GPRC5B: variants seen among roughly 807,000 people sequenced by gnomAD.
GPRC5B encodes G protein-coupled receptor family C group 5 member B.
In GPRC5B, 16 loss-of-function variants were observed where a neutral mutation model predicts 30.1. The ratio of observed to expected loss-of-function variants is 0.53; its 90% confidence interval spans 0.36 to 0.81. The LOEUF is 0.81. Among genes scored for constraint, GPRC5B ranks in the 30% least tolerant of loss-of-function variants. The pLI, the probability that GPRC5B is intolerant of heterozygous loss-of-function variation, is 0.01. For missense variants in GPRC5B, 428 were observed against 544.7 expected, an observed-to-expected ratio of 0.79 and a Z score of 2.13; for synonymous variants, 241 against 239.5, an observed-to-expected ratio of 1.01 and a Z score of -0.06.
At chr16:19,878,541 G>A (rs1433608911) in intron 1 of GPRC5B, among the ~76,000 whole-genome samples, 4 of 152,034 alleles carry the variant, frequency 2.6e-5, no homozygotes, top group African/African-American at 7.2e-5. Flanking sequence ...TGATCTGCCC[G>A]CCTCAGCCTC....
chr16:19,870,461 C>T (rs2056707104), intron 2 of GPRC5B, among the ~76,000 whole-genome samples: 1 of 152,228 alleles, frequency 6.6e-6, no homozygotes, highest in South Asian at 2.1e-4. Flanking sequence ...GAGGTACAGT[C>T]TCTTACTATT....
chr16:19,858,563 A>C lies in GPRC5B; in HGVS notation c.*1937T>G. ...ACCATTTCCTGGCACGAGAATGTGT[A>C]ATGCTGTCGTTTTTTCACCGGACAG... is the stretch of plus-strand genomic sequence containing the variant. On this transcript the variant is annotated 3_prime_UTR_variant, in exon 4 of 4. Transcript: ENST00000300571. The C allele has an allele frequency of 1.5e-6, 1 of 683,328 alleles. No individual in the cohort carries two copies. Among genetic ancestry groups the C allele is most frequent in the Non-Finnish European group, 2.7e-6 (1 of 376,664 alleles). The allele number at this position is 683,328 out of a possible 1,614,324, so 42.3% of individuals were successfully genotyped here.
chr16:19,884,872 G>A (rs975981238), upstream of GPRC5B: 2 of 981,244 alleles, frequency 2.0e-6, no homozygotes, highest in Non-Finnish European at 2.4e-6. Flanking sequence ...GCTGCCGCGC[G>A]AGGCGCCCCC....
intron 2 of GPRC5B, among the ~76,000 whole-genome samples, chr16:19,863,678 T>C (rs959860707): frequency 6.6e-6 from 1 of 151,758 alleles, no homozygotes; most frequent in Non-Finnish European, 1.5e-5. Context: ...AATTTTTGTG[T>C]TTTTAGTAGA....
At chr16:19,876,600 C>T (rs1264535048) in intron 1 of GPRC5B, among the ~76,000 whole-genome samples, 2 of 152,204 alleles carry the variant, frequency 1.3e-5, no homozygotes, top group African/African-American at 4.8e-5. Flanking sequence ...CCTCCCACTT[C>T]CTGCTCAGCC....
intron 2 of GPRC5B, among the ~76,000 whole-genome samples, chr16:19,870,641 C>T (rs891232900): frequency 6.6e-5 from 10 of 152,218 alleles, no homozygotes; most frequent in Non-Finnish European, 8.8e-5. Context: ...GAGCAATCCC[C>T]GCTGTGGCCC....
intron 2 of GPRC5B, among the ~76,000 whole-genome samples, chr16:19,870,167 G>C (rs1176568380): frequency 6.6e-6 from 1 of 152,164 alleles, no homozygotes; most frequent in East Asian, 1.9e-4. Context: ...CAATTCTGAG[G>C]CTCATTCAGC....
chr16:19,872,416 C>G lies in GPRC5B; in HGVS notation c.430G>C (p.Ala144Pro). The G allele has an allele frequency of 6.2e-7, 1 of 1,613,730 alleles. No individual in the cohort carries two copies. The highest frequency in any genetic ancestry group is 1.1e-5 in the South Asian group (1 of 91,054). Reference protein sequence around the residue: ...ALCFSCLLSQAWRVRRLVRHG... With the variant: ...ALCFSCLLSQPWRVRRLVRHG... Reference sequence around the variant, plus strand: ...CGCACCAGCCTCCGCACGCGCCATGCCTGGCTCAGCAGGCAGGAGAAGCAG... The same window carrying G: ...CGCACCAGCCTCCGCACGCGCCATGGCTGGCTCAGCAGGCAGGAGAAGCAG... Residue 144 changes from alanine (A) to proline (P), a missense_variant, in exon 2 of 4, where the codon GCA becomes CCA. Ala to Pro is a conservative substitution (Grantham distance 27). Around this residue, in one of 3 missense-constraint regions of GPRC5B, gnomAD observed 196 missense variants for 272.6 expected, o/e 0.72. Transcript: ENST00000300571. This position sits in a 1 kb window ranked among gnomAD's most constrained non-coding sequence, Gnocchi z 5.0.
chr16:19,885,023 C>A (rs188412083), upstream of GPRC5B: 68 of 597,122 alleles, frequency 1.1e-4, no homozygotes, highest in East Asian at 6.0e-3. The surrounding 1 kb of genome is among the most constrained non-coding windows in gnomAD (Gnocchi z 5.3). Flanking sequence ...GCATGCACCC[C>A]CGGAGCCCAA....
At chr16:19,870,728 T>C (rs1254829616) in intron 2 of GPRC5B, among the ~76,000 whole-genome samples, 2 of 152,120 alleles carry the variant, frequency 1.3e-5, no homozygotes, top group African/African-American at 4.8e-5. Context: ...CTATCCTATA[T>C]AGCAGCTGGG....
chr16:19,861,087 T>TTAAAA (rs569493402), intron 3 of GPRC5B, among the ~76,000 whole-genome samples: 23 of 93,378 alleles, frequency 2.5e-4, no homozygotes, highest in Middle Eastern at 0.015. Context: ...CTGATTTACA[T>TTAAAA]AAAAAAAAAA....
rs1294833998 is a variant in GPRC5B, at chr16:19,860,536, A to G, written c.1176T>C (p.Thr392=). The change falls in exon 4 of 4, where the codon ACT becomes ACC. Residue 392 remains threonine (T), a synonymous_variant. Coordinates refer to ENST00000300571, the MANE Select transcript of GPRC5B (RefSeq NM_016235.3). The stretch of plus-strand genomic sequence containing the variant: ...GTCTTCCTGTGTGACTTGGCGGAGC[A>G]GTTGGGATCTGGAATAACACATAAG... The part of the protein sequence containing the change: ...AVVLNGGTIP[T]APPSHTGRHL... The G allele has an allele frequency of 3.8e-6, 6 of 1,598,076 alleles. No individual in the cohort carries two copies. Among genetic ancestry groups the G allele is most frequent in the Non-Finnish European group, 5.1e-6 (6 of 1,165,526 alleles).
intron 2 of GPRC5B, among the ~76,000 whole-genome samples, chr16:19,870,565 C>T (rs990440093): frequency 3.3e-5 from 5 of 152,196 alleles, no homozygotes; most frequent in Non-Finnish European, 2.9e-5. Flanking sequence ...AAAATTTGAA[C>T]GCAGACATCT....
chr16:19,858,492 A>G lies in GPRC5B; in HGVS notation c.*2008T>C. ...ACGTGTGAATTGCTCCATCGTGTGA[A>G]TGGTATCAGAAAGCTCCAAAGGACT... On this transcript the variant is annotated 3_prime_UTR_variant, in exon 4 of 4. Coordinates refer to ENST00000300571, the MANE Select transcript of GPRC5B (RefSeq NM_016235.3). The G allele has an allele frequency of 1.4e-6, 1 of 693,502 alleles. No homozygotes were observed. The highest frequency in any genetic ancestry group is 1.5e-5 in the South Asian group (1 of 65,832). 43.0% of individuals were successfully genotyped at this position (693,502 alleles called of 1,614,324 possible). A position where few individuals can be genotyped will look rare whatever the true frequency, so the allele number is the denominator to read the frequency against.
chr16:19,884,121 C>T (rs2056831597), intron 1 of GPRC5B, among the ~76,000 whole-genome samples: 1 of 146,628 alleles, frequency 6.8e-6, no homozygotes, highest in African/African-American at 2.5e-5. Flanking sequence ...CCCTCCTCCC[C>T]ACCCCTCCCC....
Position 19,860,246 on chromosome 16 carries a change from TAGTTTGC to T in GPRC5B, c.*247_*253del, listed in dbSNP as rs1268117543. The T allele has an allele frequency of 1.7e-5, 8 of 470,918 alleles. No individual in the cohort carries two copies. In the East Asian group the frequency reaches 3.2e-4, roughly 19 times the overall value. 29.2% of individuals were successfully genotyped at this position (470,918 alleles called of 1,614,324 possible). Reference sequence around the variant, plus strand: ...ATACTATTTGCAATTAGCTTTGCTTTAGTTTGCGGGGATTGAGGTTGGTCTGGTATTA... The same window carrying T: ...ATACTATTTGCAATTAGCTTTGCTTTGGGGATTGAGGTTGGTCTGGTATTA... On this transcript the variant is annotated 3_prime_UTR_variant, in exon 4 of 4. Coordinates refer to ENST00000300571, the MANE Select transcript of GPRC5B (RefSeq NM_016235.3).
Position 19,860,523 on chromosome 16 carries a change from G to T in GPRC5B, c.1189C>A (p.His397Asn). Residue 397 changes from histidine to asparagine, a missense_variant, in exon 4 of 4, where the codon CAC (histidine) becomes AAC (asparagine). His to Asn is a moderately conservative substitution (Grantham distance 68). Around this residue, in one of 3 missense-constraint regions of GPRC5B, gnomAD observed 19 missense variants for 43.1 expected, o/e 0.44. Coordinates refer to ENST00000300571, the MANE Select transcript of GPRC5B (RefSeq NM_016235.3). ...TTTCACCAAAGGTGTCTTCCTGTGT[G>T]ACTTGGCGGAGCAGTTGGGATCTGG... ...GGTIPTAPPS[H>N]TGRHLW 1 of 1,600,946 alleles carries T rather than the reference G, an allele frequency of 6.2e-7. No individual in the cohort carries two copies. Among genetic ancestry groups the T allele is most frequent in the Non-Finnish European group, 8.6e-7 (1 of 1,168,096 alleles).
intron 2 of GPRC5B, among the ~76,000 whole-genome samples, chr16:19,863,104 T>C (rs2056640042): frequency 6.6e-6 from 1 of 152,050 alleles, no homozygotes. Flanking sequence ...ATATTAACCA[T>C]TAACTCATTT....
chr16:19,883,035 C>T (rs1007599011), intron 1 of GPRC5B, among the ~76,000 whole-genome samples: 9 of 152,150 alleles, frequency 5.9e-5, no homozygotes, highest in African/African-American at 2.2e-4. Context: ...TTTTACATCA[C>T]CCCATCTTAT....
Sources: allele counts gnomAD v4.1 joint callset (sites outside exome capture counted in the v4.1 genomes callset), GRCh38; gene constraint gnomAD v4.1.1; regional missense constraint gnomAD v4.1.1; non-coding constraint Gnocchi (gnomAD v3.1); transcripts MANE v1.5; gene names NCBI Gene and HGNC (gene_info 2026-07-23, HGNC 2026-07-21).